Variants in CSMD1 observed in about 807,000 individuals in gnomAD.
CSMD1 encodes CUB and sushi domain-containing protein 1.
In CSMD1, 213 loss-of-function variants were observed where a neutral mutation model predicts 417.5. The ratio of observed to expected loss-of-function variants is 0.51; its 90% CI spans 0.46 to 0.57. The LOEUF (loss-of-function observed/expected upper bound fraction) is 0.57, where lower values mean the gene tolerates loss of function less well. Among genes scored for constraint, CSMD1 ranks in the 20% least tolerant of loss-of-function variants. The probability of loss-of-function intolerance (pLI) is 0.00; values close to 1 mark genes in which losing one functional copy is unlikely to be tolerated. For missense variants in CSMD1, 6,923 were observed against 4,529.7 expected (o/e 1.53, Z -15.17); for synonymous variants, 2,862 against 1,736.8 (o/e 1.65, Z -16.11).
chr8:4,085,477 A>G (rs1021093693), intron 3 of CSMD1, among the ~76,000 whole-genome samples: 1 of 152,212 alleles, frequency 6.6e-6, no homozygotes. Flanking sequence ...CTGACAGTTT[A>G]AAACCCCTTG....
chr8:3,394,301 A>G (rs967282795), intron 17 of CSMD1, among the ~76,000 whole-genome samples: 5 of 148,566 alleles, frequency 3.4e-5, no homozygotes, highest in African/African-American at 1.2e-4. Context: ...TATTATTATT[A>G]TAATATTAGT....
intron 7 of CSMD1, chr8:3,704,683 T>C (rs988244786): frequency 6.6e-6 from 1 of 152,250 alleles, no homozygotes; most frequent in East Asian, 1.9e-4. Context: ...CGCCCCTTAA[T>C]TTTCTTGGTC....
chr8:3,955,313 T>A (rs887678412), intron 5 of CSMD1, among the ~76,000 whole-genome samples: 1 of 152,118 alleles, frequency 6.6e-6, no homozygotes, highest in African/African-American at 2.4e-5. Flanking sequence ...ATCCAGTGTG[T>A]TCTTGGTGAA....
chr8:4,221,974 G>A (rs1177583828), intron 3 of CSMD1, among the ~76,000 whole-genome samples: 5 of 151,904 alleles, frequency 3.3e-5, no homozygotes, highest in African/African-American at 9.7e-5. Context: ...CTGCAATGGA[G>A]GAAGCTGTCC....
At chr8:3,722,648 A>T (rs562399495) in intron 6 of CSMD1, among the ~76,000 whole-genome samples, 3 of 152,300 alleles carry the variant, frequency 2.0e-5, no homozygotes, top group African/African-American at 7.2e-5. Flanking sequence ...TCCAGGCATG[A>T]AATGTGTATA....
intron 21 of CSMD1, 128 bp from the exon 22 acceptor site, chr8:3,348,289 T>A: frequency 1.5e-6 from 1 of 649,416 alleles, no homozygotes; most frequent in Middle Eastern, 4.3e-4. Flanking sequence ...ATATATTATT[T>A]CAAAATAGAT....
chr8:3,232,018 G>T (rs1798869914), intron 26 of CSMD1, among the ~76,000 whole-genome samples: 1 of 152,154 alleles, frequency 6.6e-6, no homozygotes, highest in African/African-American at 2.4e-5. Flanking sequence ...ATACATGTGT[G>T]TATCTATAAC....
intron 37 of CSMD1, among the ~76,000 whole-genome samples, chr8:3,171,301 C>A (rs1411734148): frequency 1.3e-5 from 2 of 152,186 alleles, no homozygotes; most frequent in African/African-American, 2.4e-5. Context: ...AAAGAATAGA[C>A]AACCTGGTGA....
chr8:3,766,878 C>G (rs937058032), intron 5 of CSMD1, among the ~76,000 whole-genome samples: 5 of 152,134 alleles, frequency 3.3e-5, no homozygotes, highest in Non-Finnish European at 7.4e-5. Context: ...TTTCTTATAT[C>G]ACTTGATAGA....
intron 10 of CSMD1, among the ~76,000 whole-genome samples, chr8:3,551,923 G>T (rs1399425562): frequency 1.3e-5 from 2 of 152,140 alleles, no homozygotes; most frequent in Non-Finnish European, 2.9e-5. Context: ...CAGTCCAGAC[G>T]TGGTTTTAGC....
chr8:4,055,147 A>G (rs1354282929), intron 3 of CSMD1, among the ~76,000 whole-genome samples: 3 of 152,320 alleles, frequency 2.0e-5, no homozygotes, highest in African/African-American at 7.2e-5. Flanking sequence ...CCTACTTCAG[A>G]AACTGTTTGA....
intron 5 of CSMD1, among the ~76,000 whole-genome samples, chr8:3,961,204 C>T (rs1009586542): frequency 6.6e-6 from 1 of 152,012 alleles, no homozygotes; most frequent in Non-Finnish European, 1.5e-5. Flanking sequence ...AAGTCATTGT[C>T]TCAATTAAGG....
intron 12 of CSMD1, among the ~76,000 whole-genome samples, chr8:3,436,164 T>C (rs574326894): frequency 9.2e-5 from 14 of 152,218 alleles, no homozygotes; most frequent in African/African-American, 3.4e-4. Context: ...TATTACCACC[T>C]GGGAGAACAT....
chr8:3,225,034 T>G (rs190932668), intron 27 of CSMD1, among the ~76,000 whole-genome samples: 1 of 152,198 alleles, frequency 6.6e-6, no homozygotes, highest in African/African-American at 2.4e-5. Context: ...TGGTCACACA[T>G]GCACTAAAAA....
At chr8:4,930,411 A>C (rs1421182453) in intron 1 of CSMD1, among the ~76,000 whole-genome samples, 2 of 152,184 alleles carry the variant, frequency 1.3e-5, no homozygotes, top group Admixed American at 6.5e-5. Flanking sequence ...ATACATGCAC[A>C]CATCATTTTG....
intron 1 of CSMD1, among the ~76,000 whole-genome samples, chr8:4,716,683 C>T (rs148438926): frequency 6.6e-6 from 1 of 152,282 alleles, no homozygotes; most frequent in Non-Finnish European, 1.5e-5. Context: ...CTAAATATAT[C>T]TGATAATTAG....
intron 3 of CSMD1, among the ~76,000 whole-genome samples, chr8:4,287,871 G>A (rs971075286): frequency 6.6e-6 from 1 of 151,936 alleles, no homozygotes; most frequent in Non-Finnish European, 1.5e-5. Context: ...GTGAAAACAA[G>A]GGCAGTCTCA....
At chr8:3,340,570 T>G (rs1585024016) in intron 23 of CSMD1, among the ~76,000 whole-genome samples, 1 of 152,320 alleles carries the variant, frequency 6.6e-6, no homozygotes, top group Admixed American at 6.5e-5. Flanking sequence ...TACACAGTCT[T>G]AAGCATAAAT....
intron 23 of CSMD1, among the ~76,000 whole-genome samples, chr8:3,317,099 G>A (rs1015912476): frequency 2.6e-5 from 4 of 152,120 alleles, no homozygotes; most frequent in African/African-American, 9.7e-5. Flanking sequence ...GTGATGAAGA[G>A]AGGACACCAG....
Sources: gnomAD v4.1 joint callset for allele counts (sites outside exome capture counted in the v4.1 genomes callset) on GRCh38, gnomAD v4.1.1 for gene constraint, MANE v1.5 for transcripts, NCBI Gene and HGNC (gene_info 2026-07-23, HGNC 2026-07-21) for gene names.